SKP1: variants seen among roughly 807,000 people sequenced by gnomAD.
SKP1 encodes the protein S-phase kinase associated protein 1, also known as S-phase kinase-associated protein 1.
A neutral mutation model predicts 21.5 loss-of-function variants in SKP1; 1 was observed. The observed-to-expected ratio is 0.05, with a 90% CI of 0.02 to 0.22. The LOEUF (loss-of-function observed/expected upper bound fraction) is 0.22, where lower values mean the gene tolerates loss of function less well. Ranked by LOEUF, SKP1 falls within the 10% of genes least tolerant of loss-of-function variation. The pLI is 1.00. For missense variants in SKP1, 70 were observed against 192.0 expected, an observed-to-expected ratio of 0.36 and a Z score of 3.76; for synonymous variants, 59 against 59.3, an observed-to-expected ratio of 0.99 and a Z score of 0.03.
intron 5 of SKP1, 125 bp downstream of exon 5, chr5:134,158,330 T>A: frequency 6.3e-7 from 1 of 1,576,000 alleles, no homozygotes; most frequent in East Asian, 2.2e-5. Context: ...TTAAGACACA[T>A]TAAGTACATA....
At position 134,155,641 on chromosome 5, in the gene SKP1, T is replaced by C. The variant is rs1761108599; in HGVS notation, c.*2092A>G. On this transcript the variant is annotated 3_prime_UTR_variant, in exon 6 of 6. Coordinates refer to ENST00000353411, the MANE Select transcript of SKP1 (RefSeq NM_170679.3). The stretch of plus-strand genomic sequence containing the variant: ...CGGATAGTGACGTTATTTACTCATA[T>C]AATTCTAACTACTGCTGAGTATTAT... 3 of 152,360 alleles carry C rather than the reference T, an allele frequency of 2.0e-5. No individual in the cohort carries two copies. Among genetic ancestry groups the C allele is most frequent in the South Asian group, 4.1e-4 (2 of 4,824 alleles). 9.4% of individuals were successfully genotyped at this position (152,360 alleles called of 1,614,324 possible).
Position 134,157,996 on chromosome 5 carries a change from T to G in SKP1, c.457-228A>C, listed in dbSNP as rs549122995. On this transcript the variant is annotated intron_variant, in intron 5 of 5. Transcript: ENST00000353411. Reference sequence around the variant, plus strand: ...GAACAAAGCAAAGGCAATGGGCAATTTACTAAAGTTGACAGAGCAAATTCA... The same window carrying G: ...GAACAAAGCAAAGGCAATGGGCAATGTACTAAAGTTGACAGAGCAAATTCA... 360 of 1,505,300 alleles carry G rather than the reference T, an allele frequency of 2.4e-4. 6 individuals are homozygous for G. The Admixed American group carries it at 3.8e-3, about 16-fold the overall frequency. 93.2% of individuals were successfully genotyped at this position (1,505,300 alleles called of 1,614,324 possible).
chr5:134,162,858 AG>A (rs1213044620), intron 3 of SKP1, among the ~76,000 whole-genome samples: 1 of 151,978 alleles, frequency 6.6e-6, no homozygotes, highest in African/African-American at 2.4e-5. Context: ...GGACTGCTTA[AG>A]GCCGGAAGTT....
chr5:134,166,163 C>G (rs1761326714), intron 3 of SKP1, among the ~76,000 whole-genome samples: 1 of 145,926 alleles, frequency 6.9e-6, no homozygotes, highest in African/African-American at 2.6e-5. Flanking sequence ...CCAGCCTGGG[C>G]AACAGGGCGA....
At chr5:134,170,441 G>A (rs1761419589) in intron 2 of SKP1, among the ~76,000 whole-genome samples, 1 of 152,198 alleles carries the variant, frequency 6.6e-6, no homozygotes, top group African/African-American at 2.4e-5. Flanking sequence ...TCCTGATACT[G>A]TACCCTGGAC....
intron 3 of SKP1, chr5:134,161,777 G>C (rs1016416604): frequency 6.6e-6 from 1 of 152,200 alleles, no homozygotes; most frequent in Non-Finnish European, 1.5e-5. Context: ...ACTATTTGGT[G>C]TAGGAACAAA....
chr5:134,157,495 G>A lies in SKP1; in HGVS notation c.*238C>T. On this transcript the variant is annotated 3_prime_UTR_variant, in exon 6 of 6. Transcript: ENST00000353411. ...AAATGCCACTTATAGAGAACCCACA[G>A]TTCAGTTTTATTCAGAGCAAAGAAA... 1 of 452,076 alleles carries A rather than the reference G, an allele frequency of 2.2e-6. No individual in the cohort carries two copies. The highest frequency in any genetic ancestry group is 4.0e-6 in the Non-Finnish European group (1 of 251,950). 28.0% of individuals were successfully genotyped at this position (452,076 alleles called of 1,614,324 possible).
Position 134,150,932 on chromosome 5 carries a change from A to G in SKP1, c.*6801T>C, listed in dbSNP as rs949567482. 1 of 152,222 alleles carries G rather than the reference A, an allele frequency of 6.6e-6. No homozygotes were observed. Among genetic ancestry groups the G allele is most frequent in the Non-Finnish European group, 1.5e-5 (1 of 68,042 alleles). The allele number at this position is 152,222 out of a possible 1,614,324, so 9.4% of individuals were successfully genotyped here. A position where few individuals can be genotyped will look rare whatever the true frequency, so the allele number is the denominator to read the frequency against. ...TTCACATACACAGTCCCTTAGAATA[A>G]AAGCCTAGCTCAGGTCAGGAAGGAT... On this transcript the variant is annotated 3_prime_UTR_variant, in exon 6 of 6. Coordinates refer to ENST00000353411, the MANE Select transcript of SKP1 (RefSeq NM_170679.3).
intron 3 of SKP1, among the ~76,000 whole-genome samples, chr5:134,164,220 G>T (rs957969106): frequency 1.3e-5 from 2 of 150,490 alleles, no homozygotes; most frequent in Non-Finnish European, 2.9e-5. Flanking sequence ...TACTGAGGCT[G>T]AAGCAGGAGA....
chr5:134,173,704 A>T (rs1761486971), intron 2 of SKP1: 1 of 628,426 alleles, frequency 1.6e-6, no homozygotes, highest in Non-Finnish European at 3.0e-6. Flanking sequence ...ATTTTACCTT[A>T]TGATTTTATC....
intron 2 of SKP1, among the ~76,000 whole-genome samples, chr5:134,169,511 C>T (rs1455358336): frequency 6.6e-6 from 1 of 152,188 alleles, no homozygotes; most frequent in Admixed American, 6.5e-5. Context: ...AGGAAACATA[C>T]AGAAGACCAG....
At chr5:134,165,881 A>G (rs1031564373) in intron 3 of SKP1, among the ~76,000 whole-genome samples, 6 of 150,952 alleles carry the variant, frequency 4.0e-5, no homozygotes, top group African/African-American at 1.5e-4. Flanking sequence ...GTGAGATCAA[A>G]AAAACAAACA....
chr5:134,162,883 G>A (rs1761245367), intron 3 of SKP1, among the ~76,000 whole-genome samples: 1 of 151,676 alleles, frequency 6.6e-6, no homozygotes, highest in Admixed American at 6.6e-5. Flanking sequence ...GAATAGCCTG[G>A]GCAATATAGA....
Position 134,151,539 on chromosome 5 carries a change from G to C in SKP1, c.*6194C>G. ...GATAGGTGGGAGGTATTCAAAGTGA[G>C]AGCACTTTAAGGAAATAAGCTGATC... On this transcript the variant is annotated 3_prime_UTR_variant, in exon 6 of 6. Coordinates refer to ENST00000353411, the MANE Select transcript of SKP1 (RefSeq NM_170679.3). 2.9e-6 allele frequency: 1 copy of C among 340,488 alleles called. No individual in the cohort carries two copies. The highest frequency in any genetic ancestry group is 2.2e-5 in the South Asian group (1 of 45,306). The allele number at this position is 340,488 out of a possible 1,614,324, so 21.1% of individuals were successfully genotyped here. A position where few individuals can be genotyped will look rare whatever the true frequency, so the allele number is the denominator to read the frequency against.
intron 2 of SKP1, among the ~76,000 whole-genome samples, chr5:134,168,200 G>GA (rs909505957): frequency 6.6e-6 from 1 of 152,174 alleles, no homozygotes; most frequent in African/African-American, 2.4e-5. Flanking sequence ...GTAGCCATCT[G>GA]AAAAAATTAA....
intron 2 of SKP1, among the ~76,000 whole-genome samples, chr5:134,167,648 C>G (rs374228380): frequency 1.3e-5 from 2 of 152,084 alleles, no homozygotes. Context: ...TCAGCCTCCC[C>G]GAGTAGCTGG....
rs542859509 is a variant in SKP1, at chr5:134,158,254, C to G, written c.456+201G>C. The G allele has an allele frequency of 9.8e-5, 142 of 1,455,898 alleles. No homozygotes were observed. In the East Asian group the frequency reaches 3.2e-3, roughly 33 times the overall value. 90.2% of individuals were successfully genotyped at this position (1,455,898 alleles called of 1,614,324 possible). On this transcript the variant is annotated intron_variant, in intron 5 of 5. Transcript: ENST00000353411. The stretch of plus-strand genomic sequence containing the variant: ...CTCTTCTCATTGAAAACTAATTGTT[C>G]TTATGCTTAAAATGCAGTATCATCT...
intron 2 of SKP1, among the ~76,000 whole-genome samples, chr5:134,172,350 A>C (rs1761457597): frequency 6.6e-6 from 1 of 152,204 alleles, no homozygotes; most frequent in Non-Finnish European, 1.5e-5. Flanking sequence ...CTACATAAAA[A>C]ACCTCTGACA....
At chr5:134,170,924 A>G (rs1761426978) in intron 2 of SKP1, 3 of 429,866 alleles carry the variant, frequency 7.0e-6, no homozygotes, top group South Asian at 1.7e-5. Context: ...ATCAGTTTCT[A>G]CATCTTCTGG....
Sources: allele counts gnomAD v4.1 joint callset (sites outside exome capture counted in the v4.1 genomes callset), GRCh38; gene constraint gnomAD v4.1.1; transcripts MANE v1.5; gene names NCBI Gene and HGNC (gene_info 2026-07-23, HGNC 2026-07-21).